PHF24: variants seen among roughly 807,000 people sequenced by gnomAD.
The protein encoded by PHF24 is PHD finger protein 24.
In PHF24, 25 loss-of-function variants were observed where a neutral mutation model predicts 42.6. That is an observed-to-expected ratio of 0.59 (90% CI 0.43 to 0.82). The LOEUF (loss-of-function observed/expected upper bound fraction) is 0.82. Among genes scored for constraint, PHF24 ranks in the 40% least tolerant of loss-of-function variants. The pLI is 0.00. For synonymous variants in PHF24, 185 were observed against 204.8 expected (o/e 0.90, Z 0.83); for missense variants, 470 against 538.1 (o/e 0.87, Z 1.25).
chr9:34,841,349 G>T, the PHF24 span, among the ~76,000 whole-genome samples: 1 of 152,124 alleles, frequency 6.6e-6, no homozygotes, highest in East Asian at 1.9e-4. Flanking sequence ...TTTCCATATT[G>T]AATACGTCAG....
At chr9:34,680,010 G>A in the PHF24 span, among the ~76,000 whole-genome samples, 1 of 152,190 alleles carries the variant, frequency 6.6e-6, no homozygotes, top group Non-Finnish European at 1.5e-5. Flanking sequence ...TTGGCTCACA[G>A]GAGCTGTGAG....
At chr9:34,878,596 C>G in the PHF24 span, among the ~76,000 whole-genome samples, 1 of 152,220 alleles carries the variant, frequency 6.6e-6, no homozygotes, top group South Asian at 2.1e-4. Context: ...GGGTCCCACG[C>G]CCATGGAGCC....
chr9:34,793,219 G>T, the PHF24 span, among the ~76,000 whole-genome samples: 1 of 151,960 alleles, frequency 6.6e-6, no homozygotes, highest in East Asian at 1.9e-4. Flanking sequence ...CAAGCAGGAA[G>T]GGGAAGCTTG....
chr9:34,835,364 C>T, the PHF24 span: 2,697 of 1,549,460 alleles, frequency 1.7e-3, 37 homozygotes, highest in Admixed American at 0.041. Flanking sequence ...CTCCTCCACA[C>T]GTCTTGGGAG....
chr9:34,902,200 AAT>A, the PHF24 span, among the ~76,000 whole-genome samples: 15 of 152,202 alleles, frequency 9.9e-5, no homozygotes, highest in South Asian at 2.1e-4. Flanking sequence ...ATACCTTGAA[AAT>A]ATGTTACTAT....
At chr9:34,804,849 C>T in the PHF24 span, among the ~76,000 whole-genome samples, 3 of 152,172 alleles carry the variant, frequency 2.0e-5, no homozygotes, top group African/African-American at 7.2e-5. Context: ...AAAAGAAACC[C>T]TGTACCTTTT....
At chr9:34,863,089 G>A in the PHF24 span, among the ~76,000 whole-genome samples, 1 of 151,974 alleles carries the variant, frequency 6.6e-6, no homozygotes, top group Non-Finnish European at 1.5e-5. Context: ...TGTGGTTTGG[G>A]TGCCTGCTCA....
At chr9:34,809,037 TAA>T in the PHF24 span, among the ~76,000 whole-genome samples, 1 of 104,050 alleles carries the variant, frequency 9.6e-6, no homozygotes, top group South Asian at 3.6e-4. This position sits in a 1 kb window ranked among gnomAD's most constrained non-coding sequence, Gnocchi z 4.1. Flanking sequence ...TAAAGTATAA[TAA>T]AAAAAAAAAA....
the PHF24 span, among the ~76,000 whole-genome samples, chr9:34,712,316 T>C: frequency 6.6e-6 from 1 of 152,152 alleles, no homozygotes; most frequent in Non-Finnish European, 1.5e-5. Context: ...TGTGAACTTC[T>C]TGGGTATGTA....
chr9:34,774,703 G>A, the PHF24 span, among the ~76,000 whole-genome samples: 1 of 152,150 alleles, frequency 6.6e-6, no homozygotes, highest in Non-Finnish European at 1.5e-5. Context: ...AACCTGGGAA[G>A]CAGAGGTTGG....
At chr9:34,963,998 T>G (rs80050234) in intron 1 of PHF24, among the ~76,000 whole-genome samples, 3,517 of 152,312 alleles carry the variant, frequency 0.023, 136 homozygotes, top group African/African-American at 0.08. Context: ...CTAAAACCCT[T>G]AATGCTTAAT....
At chr9:34,868,725 T>A in the PHF24 span, among the ~76,000 whole-genome samples, 1 of 152,210 alleles carries the variant, frequency 6.6e-6, no homozygotes, top group Non-Finnish European at 1.5e-5. Flanking sequence ...GGAGGTTCCC[T>A]AAATGCTTTC....
At chr9:34,695,003 A>T in the PHF24 span, among the ~76,000 whole-genome samples, 1 of 151,858 alleles carries the variant, frequency 6.6e-6, no homozygotes, top group African/African-American at 2.4e-5. Context: ...CTTGGGAGAG[A>T]TTGTGTCTTT....
At chr9:34,814,661 G>A in the PHF24 span, among the ~76,000 whole-genome samples, 1 of 152,176 alleles carries the variant, frequency 6.6e-6, no homozygotes, top group East Asian at 1.9e-4. Flanking sequence ...CTCTGACTTG[G>A]GAGTCTTGGA....
chr9:34,791,793 AATGTTGCATCTTACAACCTGAATGCC>A, the PHF24 span, among the ~76,000 whole-genome samples: 542 of 152,348 alleles, frequency 3.6e-3, 8 homozygotes, highest in African/African-American at 0.012. Context: ...GACTGAATTG[AATGTTGCATCTTACAACCTGAATGCC>A]ATTTGGTGGG....
the PHF24 span, among the ~76,000 whole-genome samples, chr9:34,876,118 C>A: frequency 6.7e-4 from 102 of 152,192 alleles, no homozygotes; most frequent in African/African-American, 2.4e-3. Context: ...ATCCAATACA[C>A]TTACCATATG....
At chr9:34,869,373 A>G in the PHF24 span, among the ~76,000 whole-genome samples, 19 of 152,198 alleles carry the variant, frequency 1.2e-4, no homozygotes, top group Non-Finnish European at 2.4e-4. Flanking sequence ...TCCCATCAAC[A>G]GTGTAAAAGC....
chr9:34,951,310 T>C, the PHF24 span, among the ~76,000 whole-genome samples: 2 of 152,192 alleles, frequency 1.3e-5, no homozygotes. Flanking sequence ...CTTGTGAATA[T>C]GTTATAGTAC....
the PHF24 span, among the ~76,000 whole-genome samples, chr9:34,903,483 T>TC: frequency 6.6e-6 from 1 of 152,224 alleles, no homozygotes; most frequent in Non-Finnish European, 1.5e-5. Context: ...GGAGAATCAC[T>TC]TGAGCCCAAG....
Sources: allele counts gnomAD v4.1 joint callset (sites outside exome capture counted in the v4.1 genomes callset), GRCh38; gene constraint gnomAD v4.1.1; non-coding constraint Gnocchi (gnomAD v3.1); transcripts MANE v1.5; gene names NCBI Gene and HGNC (gene_info 2026-07-23, HGNC 2026-07-21).